The following DLG2 variants were observed in gnomAD, a reference collection of about 807,000 sequenced individuals.
The protein encoded by DLG2 is discs large MAGUK scaffold protein 2.
Under a neutral mutation model 132.5 loss-of-function variants are expected in DLG2, and 45 were observed. The ratio of observed to expected loss-of-function variants is 0.34; its 90% confidence interval spans 0.27 to 0.44. The LOEUF (loss-of-function observed/expected upper bound fraction) is 0.44. Ranked by LOEUF, DLG2 falls within the 20% of genes least tolerant of loss-of-function variation. The pLI, the probability that DLG2 is intolerant of heterozygous loss-of-function variation, is 1.00. For missense variants in DLG2, 1,045 were observed against 1,196.9 expected, an observed-to-expected ratio of 0.87 and a Z score of 1.87; for synonymous variants, 424 against 419.6, an observed-to-expected ratio of 1.01 and a Z score of -0.13.
intron 18 of DLG2, among the ~76,000 whole-genome samples, chr11:83,656,899 C>T (rs927312825): frequency 1.5e-4 from 23 of 152,138 alleles, no homozygotes; most frequent in African/African-American, 5.3e-4. Flanking sequence ...CCCTCCACCC[C>T]CACCAAGAGG....
chr11:85,053,796 C>CAAAAA (rs34604489), intron 6 of DLG2, among the ~76,000 whole-genome samples: 1 of 45,788 alleles, frequency 2.2e-5, no homozygotes. Context: ...GACTCTGTCT[C>CAAAAA]AAAAAAAAAA....
intron 24 of DLG2, among the ~76,000 whole-genome samples, chr11:83,471,378 C>T (rs2092000343): frequency 6.6e-6 from 1 of 152,058 alleles, no homozygotes; most frequent in African/African-American, 2.4e-5. Flanking sequence ...AAAAATTCAT[C>T]CTGCCTTTTA....
chr11:83,873,529 GC>G (rs1318499950), intron 16 of DLG2, among the ~76,000 whole-genome samples: 1 of 152,092 alleles, frequency 6.6e-6, no homozygotes, highest in Non-Finnish European at 1.5e-5. Context: ...AGTGCCTTTT[GC>G]CATCTGCCAT....
chr11:84,138,728 C>G (rs909018515), intron 9 of DLG2, among the ~76,000 whole-genome samples: 1 of 152,108 alleles, frequency 6.6e-6, no homozygotes, highest in African/African-American at 2.4e-5. Flanking sequence ...GCGGGCAGAT[C>G]ACTTTATGTC....
chr11:84,847,291 G>A (rs944615758), intron 6 of DLG2, among the ~76,000 whole-genome samples: 1 of 152,164 alleles, frequency 6.6e-6, no homozygotes, highest in African/African-American at 2.4e-5. Flanking sequence ...TCAGAGGCTA[G>A]AGAAAAGGTT....
chr11:83,853,361 A>T (rs143020284), intron 16 of DLG2, among the ~76,000 whole-genome samples: 114 of 152,236 alleles, frequency 7.5e-4, no homozygotes, highest in African/African-American at 2.5e-3. Context: ...CCAAATTCAT[A>T]TTGTGATTAT....
Position 85,122,411 on chromosome 11 carries a change from G to A in DLG2, c.283-10676C>T, listed in dbSNP as rs151239176. Among the ~76,000 whole-genome samples the A allele has an allele frequency of 2.5e-3, 383 of 152,238 alleles. 3 individuals are homozygous for A. The highest frequency in any genetic ancestry group is 4.0e-3 in the Non-Finnish European group (270 of 68,010). Reference sequence around the variant, plus strand: ...CATAAGAAAAAACAGGCACAACGAAGAAACAAGAGGATGAAATTCAAATTA... The same window carrying A: ...CATAAGAAAAAACAGGCACAACGAAAAAACAAGAGGATGAAATTCAAATTA... On this transcript the variant is annotated intron_variant, in intron 5 of 27. Transcript: ENST00000376104.
chr11:83,889,844 G>C (rs2069176451), intron 15 of DLG2, among the ~76,000 whole-genome samples: 1 of 151,582 alleles, frequency 6.6e-6, no homozygotes, highest in Non-Finnish European at 1.5e-5. Flanking sequence ...ATCATTCTCA[G>C]TAAACTATCG....
At chr11:85,199,042 C>T (rs777499952) in intron 4 of DLG2, among the ~76,000 whole-genome samples, 1 of 152,120 alleles carries the variant, frequency 6.6e-6, no homozygotes, top group Non-Finnish European at 1.5e-5. Flanking sequence ...TATTTTAGGA[C>T]CCCCAAATTC....
chr11:83,532,683 G>C (rs1476662173), intron 21 of DLG2, 25 bp downstream of exon 21: 1 of 1,603,960 alleles, frequency 6.2e-7, no homozygotes. Flanking sequence ...GAGAGAACTT[G>C]ATGTTTCCAT....
At chr11:84,358,318 A>AC (rs1339176022) in intron 7 of DLG2, among the ~76,000 whole-genome samples, 1 of 150,640 alleles carries the variant, frequency 6.6e-6, no homozygotes, top group Non-Finnish European at 1.5e-5. Context: ...CAGTAAGGGC[A>AC]CCTGTTCTTA....
intron 6 of DLG2, among the ~76,000 whole-genome samples, chr11:85,073,479 C>T (rs939890439): frequency 6.6e-6 from 1 of 151,714 alleles, no homozygotes; most frequent in South Asian, 2.1e-4. Flanking sequence ...AAACTCTTAC[C>T]AGAGTTCCTA....
At chr11:85,338,840 G>A (rs1376812373) in intron 3 of DLG2, among the ~76,000 whole-genome samples, 1 of 151,576 alleles carries the variant, frequency 6.6e-6, no homozygotes, top group Non-Finnish European at 1.5e-5. Flanking sequence ...GAGTAGCTGG[G>A]ACTACAGGAG....
intron 6 of DLG2, among the ~76,000 whole-genome samples, chr11:84,778,485 C>A (rs1943700): frequency 0.96 from 145,426 of 152,232 alleles, 70,067 homozygotes; most frequent in Middle Eastern, 1. Flanking sequence ...TAATTCTGTG[C>A]AAAATTGTTG....
intron 17 of DLG2, among the ~76,000 whole-genome samples, chr11:83,799,510 G>C (rs1046670192): frequency 5.3e-5 from 8 of 152,192 alleles, no homozygotes; most frequent in Non-Finnish European, 7.3e-5. Context: ...GTGGATTTGA[G>C]GGTGGGAGAT....
At chr11:85,607,784 T>C (rs897745132) in intron 2 of DLG2, among the ~76,000 whole-genome samples, 1 of 152,332 alleles carries the variant, frequency 6.6e-6, no homozygotes, top group Admixed American at 6.5e-5. Context: ...TTCCTATTCA[T>C]ATAAGTGAAG....
At chr11:83,533,171 TTTC>T (rs2095800311) in intron 20 of DLG2, among the ~76,000 whole-genome samples, 1 of 152,118 alleles carries the variant, frequency 6.6e-6, no homozygotes, top group Non-Finnish European at 1.5e-5. Context: ...CTCCTCCCTT[TTTC>T]TTCTTTGTTT....
At chr11:83,704,294 G>A (rs544722539) in intron 18 of DLG2, among the ~76,000 whole-genome samples, 31 of 152,174 alleles carry the variant, frequency 2.0e-4, no homozygotes, top group African/African-American at 7.2e-4. Flanking sequence ...ATGAACCAGG[G>A]TAGTTAGTTG....
chr11:83,762,074 G>C (rs1398531268), intron 18 of DLG2, among the ~76,000 whole-genome samples: 3 of 152,150 alleles, frequency 2.0e-5, no homozygotes, highest in Admixed American at 2.0e-4. Flanking sequence ...TGATATGTAA[G>C]TAAAAATGCA....
Sources: gnomAD v4.1 joint callset for allele counts (sites outside exome capture counted in the v4.1 genomes callset) on GRCh38, gnomAD v4.1.1 for gene constraint, MANE v1.5 for transcripts, NCBI Gene and HGNC (gene_info 2026-07-23, HGNC 2026-07-21) for gene names.